Variants in THSD4 observed in about 807,000 individuals in gnomAD.
THSD4 encodes thrombospondin type 1 domain containing 4.
Under a neutral mutation model 119.0 loss-of-function variants are expected in THSD4, and 69 were observed. The observed-to-expected ratio is 0.58, with a 90% CI of 0.48 to 0.71. The LOEUF (loss-of-function observed/expected upper bound fraction) is 0.71. THSD4 is among the 30% of genes least tolerant of loss of function. The pLI, the probability that THSD4 is intolerant of heterozygous loss-of-function variation, is 0.00. For missense variants in THSD4, 1,393 were observed against 1,391.1 expected (o/e 1.00, Z -0.02); for synonymous variants, 524 against 540.4 (o/e 0.97, Z 0.42).
intron 7 of THSD4, among the ~76,000 whole-genome samples, chr15:71,551,696 G>A (rs2048931687): frequency 6.6e-6 from 1 of 152,112 alleles, no homozygotes; most frequent in African/African-American, 2.4e-5. Flanking sequence ...ACTTCCCCTA[G>A]CAATGGGTTA....
In THSD4 at chr15:71,208,723, G is replaced by C. The variant is rs577766612; in HGVS notation, c.100-6312G>C. On this transcript the variant is annotated intron_variant, in intron 3 of 17. Transcript: ENST00000261862. The stretch of plus-strand genomic sequence containing the variant: ...GACGGGGTTTCACCATGTTGGCCAG[G>C]CTGGTCACGAACGCCTGACCTCAAA... 1.8e-3 allele frequency among the ~76,000 whole-genome samples: 280 copies of C among 152,084 alleles called. 1 individual carries two copies. Among genetic ancestry groups the C allele is most frequent in the African/African-American group, 6.3e-3 (263 of 41,472 alleles).
At chr15:71,234,755 C>G (rs1439285786) in intron 4 of THSD4, among the ~76,000 whole-genome samples, 1 of 152,220 alleles carries the variant, frequency 6.6e-6, no homozygotes, top group Admixed American at 6.5e-5. Flanking sequence ...GAAACCTTTT[C>G]CCTCCTCATA....
At chr15:71,210,802 G>A (rs971997) in intron 3 of THSD4, among the ~76,000 whole-genome samples, 149,443 of 152,252 alleles carry the variant, frequency 0.98, 73,414 homozygotes, top group East Asian at 1. Context: ...TAACAGATAT[G>A]AATCTACCTC....
intron 7 of THSD4, among the ~76,000 whole-genome samples, chr15:71,523,721 A>G (rs1217078526): frequency 1.3e-5 from 2 of 152,236 alleles, no homozygotes; most frequent in African/African-American, 4.8e-5. Context: ...AAATGGAAGC[A>G]GGAGATATTT....
At chr15:71,447,859 G>A (rs2047208676) in intron 7 of THSD4, among the ~76,000 whole-genome samples, 1 of 152,076 alleles carries the variant, frequency 6.6e-6, no homozygotes, top group Non-Finnish European at 1.5e-5. Context: ...GCTCTCCTTG[G>A]CATGTCACTG....
chr15:71,502,204 AAT>A (rs2048122411), intron 7 of THSD4, among the ~76,000 whole-genome samples: 1 of 152,228 alleles, frequency 6.6e-6, no homozygotes, highest in Non-Finnish European at 1.5e-5. Flanking sequence ...AATGGAGTGT[AAT>A]CAGGGCAAGC....
chr15:71,284,621 A>G (rs112077971), intron 6 of THSD4, among the ~76,000 whole-genome samples: 4,875 of 152,240 alleles, frequency 0.032, 148 homozygotes, highest in African/African-American at 0.079. Flanking sequence ...TTCACATGTA[A>G]ATAACCTAAC....
At chr15:71,463,477 C>T (rs2047454099) in intron 7 of THSD4, among the ~76,000 whole-genome samples, 1 of 152,206 alleles carries the variant, frequency 6.6e-6, no homozygotes, top group Non-Finnish European at 1.5e-5. Context: ...CAAGAATTTC[C>T]TGAAAGACTT....
chr15:71,381,746 A>G (rs2046231852), intron 6 of THSD4, among the ~76,000 whole-genome samples: 1 of 152,224 alleles, frequency 6.6e-6, no homozygotes. Context: ...AACTGAAATT[A>G]TGACTGCTGC....
At chr15:71,537,811 G>A (rs184935928) in intron 7 of THSD4, among the ~76,000 whole-genome samples, 1 of 152,036 alleles carries the variant, frequency 6.6e-6, no homozygotes, top group Admixed American at 6.5e-5. Flanking sequence ...CCAGGCTGGA[G>A]TGCAATCACA....
chr15:71,623,535 C>T (rs1273176676), intron 7 of THSD4, among the ~76,000 whole-genome samples: 2 of 152,112 alleles, frequency 1.3e-5, no homozygotes, highest in Non-Finnish European at 2.9e-5. Flanking sequence ...GAAATGAGAA[C>T]TAGTCAATAT....
At chr15:71,111,218 GAGA>G (rs770018023), upstream of THSD4, 6 of 1,613,662 alleles carry the variant, frequency 3.7e-6, no homozygotes, top group Admixed American at 8.3e-5. Context: ...AAAAGGGAAA[GAGA>G]AGGAGATAAC....
chr15:71,397,041 T>C (rs1364990083), intron 6 of THSD4, among the ~76,000 whole-genome samples: 1 of 152,226 alleles, frequency 6.6e-6, no homozygotes, highest in Non-Finnish European at 1.5e-5. Flanking sequence ...CCCAGGACTC[T>C]AGACAAGTTT....
intron 6 of THSD4, among the ~76,000 whole-genome samples, chr15:71,371,234 T>G (rs1292412925): frequency 1.3e-5 from 2 of 152,208 alleles, no homozygotes; most frequent in Non-Finnish European, 1.5e-5. Flanking sequence ...CTTTATCCAG[T>G]TTGCCAGTTT....
chr15:71,352,716 A>G (rs1384146587), intron 6 of THSD4, among the ~76,000 whole-genome samples: 1 of 152,214 alleles, frequency 6.6e-6, no homozygotes, highest in East Asian at 1.9e-4. Flanking sequence ...GAAATGAATA[A>G]TTGTAACACA....
chr15:71,214,686 C>A lies in THSD4; in HGVS notation c.100-349C>A, dbSNP rs1449253346. ...TCCTTGCCTTTCCGGCAGGGTGACA[C>A]AAGGCATGTCTTCCTTGCAGTTTAT... is the stretch of plus-strand genomic sequence containing the variant. On this transcript the variant is annotated intron_variant, in intron 3 of 17. Transcript: ENST00000261862. Among the ~76,000 whole-genome samples, 14 of 152,208 alleles carry A rather than the reference C, an allele frequency of 9.2e-5. 1 individual carries two copies. In the South Asian group the frequency reaches 2.9e-3, roughly 32 times the overall value.
At chr15:71,548,410 A>G (rs2048872981) in intron 7 of THSD4, among the ~76,000 whole-genome samples, 1 of 152,244 alleles carries the variant, frequency 6.6e-6, no homozygotes, top group Non-Finnish European at 1.5e-5. Context: ...GTCAGGGACC[A>G]AGCAGGCTCT....
intron 3 of THSD4, among the ~76,000 whole-genome samples, chr15:71,209,590 T>C (rs781182052): frequency 2.4e-4 from 36 of 152,222 alleles, no homozygotes; most frequent in Non-Finnish European, 3.8e-4. Context: ...CTTCCACTCC[T>C]TTCCTTACAC....
chr15:71,688,951 A>T (rs949562771), intron 8 of THSD4, among the ~76,000 whole-genome samples: 1 of 152,020 alleles, frequency 6.6e-6, no homozygotes, highest in Non-Finnish European at 1.5e-5. Flanking sequence ...GGGCAAGGCC[A>T]TTTCCCTGCC....
Sources: gnomAD v4.1 joint callset for allele counts (sites outside exome capture counted in the v4.1 genomes callset) on GRCh38, gnomAD v4.1.1 for gene constraint, MANE v1.5 for transcripts, NCBI Gene and HGNC (gene_info 2026-07-23, HGNC 2026-07-21) for gene names.